Variants in SH3RF1 observed in about 807,000 individuals in gnomAD.
The protein encoded by SH3RF1 is SH3 domain containing ring finger 1.
A neutral mutation model predicts 74.0 loss-of-function variants in SH3RF1; 32 were observed. The ratio of observed to expected loss-of-function variants is 0.43; its 90% confidence interval spans 0.33 to 0.58. SH3RF1 has a LOEUF of 0.58. Among genes scored for constraint, SH3RF1 ranks in the 20% least tolerant of loss-of-function variants. SH3RF1 has a pLI of 0.05. For synonymous variants in SH3RF1, 396 were observed against 439.6 expected (o/e 0.90, Z 1.24); for missense variants, 954 against 1,130.9 (o/e 0.84, Z 2.24).
At position 169,107,116 on chromosome 4, in the gene SH3RF1, T is replaced by C. The variant is rs1733158588; in HGVS notation, c.2229A>G (p.Glu743=). Residue 743 remains glutamate, a synonymous_variant, in exon 11 of 12, where the codon GAA becomes GAG. Coordinates refer to ENST00000284637, the MANE Select transcript of SH3RF1 (RefSeq NM_020870.4). ...GAAGCTCTGCACTGCCCAGCTCCACTTCTAGGGTGGGCGATGCTGGAGGAG... is the reference window on the plus strand; with the variant it reads ...GAAGCTCTGCACTGCCCAGCTCCACCTCTAGGGTGGGCGATGCTGGAGGAG... The part of the protein sequence containing the change: ...RVSPPASPTL[E]VELGSAELPL... 6.2e-7 allele frequency: 1 copy of C among 1,612,470 alleles called. No homozygotes were observed.
intron 6 of SH3RF1, among the ~76,000 whole-genome samples, chr4:169,122,529 A>G (rs1475890327): frequency 6.6e-6 from 1 of 152,064 alleles, no homozygotes; most frequent in East Asian, 1.9e-4. Context: ...GGAGGGAAAG[A>G]AAAAAAATGA....
At chr4:169,117,478 G>T (rs762920934) in intron 9 of SH3RF1, 45 bp downstream of exon 9, 1 of 1,598,362 alleles carries the variant, frequency 6.3e-7, no homozygotes, top group South Asian at 1.1e-5. Flanking sequence ...TATTAGGCAG[G>T]TAAGCCCTTT....
At chr4:169,171,051 G>A (rs561395943) in intron 2 of SH3RF1, among the ~76,000 whole-genome samples, 1 of 152,302 alleles carries the variant, frequency 6.6e-6, no homozygotes, top group African/African-American at 2.4e-5. Context: ...TGACCTAAAG[G>A]TTTCTCCACA....
intron 2 of SH3RF1, among the ~76,000 whole-genome samples, chr4:169,176,183 G>C (rs1734418404): frequency 6.6e-6 from 1 of 152,102 alleles, no homozygotes; most frequent in Non-Finnish European, 1.5e-5. Context: ...ATACTCCCCA[G>C]TCAGGTATTT....
At position 169,105,271 on chromosome 4, in the gene SH3RF1, A is replaced by G. The variant is rs1733114917; in HGVS notation, c.2498+1576T>C. On this transcript the variant is annotated intron_variant, in intron 11 of 11. Coordinates refer to ENST00000284637, the MANE Select transcript of SH3RF1 (RefSeq NM_020870.4). ...ACAGATGACACTTAAGACAAATACT[A>G]TATATTTATATAAGATATAAAAAGA... Among the ~76,000 whole-genome samples the G allele has an allele frequency of 3.3e-5, 5 of 152,212 alleles. No individual in the cohort carries two copies. In the South Asian group the frequency reaches 1.0e-3, roughly 31 times the overall value.
chr4:169,224,503 A>G (rs1730624704), intron 2 of SH3RF1, among the ~76,000 whole-genome samples: 1 of 152,150 alleles, frequency 6.6e-6, no homozygotes, highest in South Asian at 2.1e-4. Context: ...TTTTTAGTAG[A>G]GACGGGGTTT....
At chr4:169,148,725 T>G (rs28377262) in intron 4 of SH3RF1, among the ~76,000 whole-genome samples, 1,805 of 152,228 alleles carry the variant, frequency 0.012, 43 homozygotes, top group African/African-American at 0.042. Flanking sequence ...AGGGGGTTTT[T>G]TTTGGTTCTG....
At chr4:169,118,676 C>T (rs1458092218) in intron 8 of SH3RF1, among the ~76,000 whole-genome samples, 3 of 152,010 alleles carry the variant, frequency 2.0e-5, no homozygotes, top group Non-Finnish European at 4.4e-5. Flanking sequence ...AGGCTGGTCT[C>T]GAACTCCTGA....
chr4:169,200,673 AG>A (rs1734893200), intron 2 of SH3RF1, among the ~76,000 whole-genome samples: 1 of 152,214 alleles, frequency 6.6e-6, no homozygotes, highest in South Asian at 2.1e-4. Flanking sequence ...ATTTGTGAAC[AG>A]TTCAACTACG....
At chr4:169,201,787 T>A (rs1216657137) in intron 2 of SH3RF1, 1 of 152,232 alleles carries the variant, frequency 6.6e-6, no homozygotes, top group Non-Finnish European at 1.5e-5. Flanking sequence ...TTTTTTCCAA[T>A]GTAAGTCAAA....
At chr4:169,229,939 C>T (rs547443300) in intron 2 of SH3RF1, among the ~76,000 whole-genome samples, 1,821 of 141,194 alleles carry the variant, frequency 0.013, 280 homozygotes, top group African/African-American at 0.045. Context: ...GGCGAGGTGG[C>T]TCATGCCTGT....
intron 6 of SH3RF1, among the ~76,000 whole-genome samples, chr4:169,123,462 C>A (rs569341563): frequency 9.2e-5 from 14 of 152,162 alleles, no homozygotes; most frequent in Non-Finnish European, 1.2e-4. Flanking sequence ...GGTTGCAGAA[C>A]ATTTAGTGCA....
intron 2 of SH3RF1, among the ~76,000 whole-genome samples, chr4:169,212,179 C>T (rs1281988359): frequency 2.7e-5 from 4 of 150,536 alleles, no homozygotes; most frequent in Non-Finnish European, 3.0e-5. Context: ...ATTCTCCTGC[C>T]TCAGCCTCCC....
At chr4:169,222,529 C>A (rs1388367374) in intron 2 of SH3RF1, among the ~76,000 whole-genome samples, 1 of 148,772 alleles carries the variant, frequency 6.7e-6, no homozygotes, top group Non-Finnish European at 1.5e-5. Context: ...ATATATAAAT[C>A]ATTAACTGTT....
intron 4 of SH3RF1, among the ~76,000 whole-genome samples, chr4:169,153,759 TG>T (rs1480065202): frequency 1.3e-5 from 2 of 152,162 alleles, no homozygotes; most frequent in African/African-American, 4.8e-5. Context: ...ACATCTCAAA[TG>T]GCAAGATTCT....
At chr4:169,221,962 C>T (rs556030570) in intron 2 of SH3RF1, among the ~76,000 whole-genome samples, 8 of 152,218 alleles carry the variant, frequency 5.3e-5, no homozygotes, top group African/African-American at 1.7e-4. Flanking sequence ...AGTAAGTCTT[C>T]GTTCCCCTCA....
At chr4:169,225,072 G>C (rs1162497329) in intron 2 of SH3RF1, among the ~76,000 whole-genome samples, 3 of 152,204 alleles carry the variant, frequency 2.0e-5, no homozygotes, top group Non-Finnish European at 4.4e-5. Flanking sequence ...TGGGAGTAAA[G>C]AGAGCAAAGC....
At chr4:169,176,062 T>C (rs573945964) in intron 2 of SH3RF1, among the ~76,000 whole-genome samples, 1 of 152,164 alleles carries the variant, frequency 6.6e-6, no homozygotes, top group African/African-American at 2.4e-5. Context: ...GAGCACACAG[T>C]AAGAAGGTGG....
chr4:169,267,381 C>G (rs941584027), intron 2 of SH3RF1, among the ~76,000 whole-genome samples: 1 of 152,174 alleles, frequency 6.6e-6, no homozygotes, highest in Admixed American at 6.5e-5. Flanking sequence ...GCTAAACAGA[C>G]CTACATCAGG....
Sources: allele counts gnomAD v4.1 joint callset (sites outside exome capture counted in the v4.1 genomes callset), GRCh38; gene constraint gnomAD v4.1.1; transcripts MANE v1.5; gene names NCBI Gene and HGNC (gene_info 2026-07-23, HGNC 2026-07-21).